SNX29: variants seen among roughly 807,000 people sequenced by gnomAD.
SNX29 encodes sorting nexin-29.
SNX29 carries 78 observed loss-of-function variants against 102.1 expected under a neutral mutation model. The ratio of observed to expected loss-of-function variants is 0.76; its 90% CI spans 0.64 to 0.92. The LOEUF (loss-of-function observed/expected upper bound fraction) is 0.92. SNX29 is among the 40% of genes least tolerant of loss of function. The probability of loss-of-function intolerance (pLI) is 0.00; values close to 1 mark genes in which losing one functional copy is unlikely to be tolerated. For synonymous variants in SNX29, 580 were observed against 414.5 expected, an observed-to-expected ratio of 1.40 and a Z score of -4.85; for missense variants, 1,280 against 1,061.7, an observed-to-expected ratio of 1.21 and a Z score of -2.86.
At chr16:12,526,089 A>G (rs886815724) in intron 20 of SNX29, among the ~76,000 whole-genome samples, 1 of 152,220 alleles carries the variant, frequency 6.6e-6, no homozygotes, top group Non-Finnish European at 1.5e-5. Context: ...AAACGTAAAA[A>G]TCCATAGAGA....
chr16:12,375,769 A>G (rs2082848967), intron 16 of SNX29: 1 of 152,256 alleles, frequency 6.6e-6, no homozygotes, highest in Non-Finnish European at 1.5e-5. Context: ...GCAGTGGCTC[A>G]CGCCTGTAAT....
intron 19 of SNX29, among the ~76,000 whole-genome samples, chr16:12,493,506 T>A (rs982025299): frequency 2.0e-4 from 31 of 152,340 alleles, no homozygotes; most frequent in Middle Eastern, 6.8e-3. Flanking sequence ...CTTCTTCTTT[T>A]CCTAATTGAA....
intron 18 of SNX29, among the ~76,000 whole-genome samples, chr16:12,428,454 T>G (rs888578131): frequency 1.7e-4 from 26 of 152,086 alleles, no homozygotes; most frequent in African/African-American, 5.6e-4. Flanking sequence ...ACATCTTCTT[T>G]ATAGAAAATT....
rs150444031 is a variant in SNX29 at position 12,015,229 on chromosome 16, A to G, written c.123-12091A>G. ...GTACTCCTGCACTGAAACATTTCCA[A>G]GTTATAGTTCTTTTTTTTTAATTTT... On this transcript the variant is annotated intron_variant, in intron 3 of 20. Coordinates refer to ENST00000566228, the MANE Select transcript of SNX29 (RefSeq NM_032167.5). Among the ~76,000 whole-genome samples the G allele has an allele frequency of 3.8e-3, 584 of 151,986 alleles. 1 individual carries two copies. The highest frequency in any genetic ancestry group is 6.1e-3 in the Non-Finnish European group (414 of 67,966).
intron 14 of SNX29, among the ~76,000 whole-genome samples, chr16:12,242,352 A>AATATATATAT (rs1272895007): frequency 2.0e-4 from 28 of 137,988 alleles, no homozygotes; most frequent in African/African-American, 7.6e-4. Context: ...TATATATAAT[A>AATATATATAT]ATATATATAT....
At chr16:12,033,760 C>T (rs1280335542) in intron 4 of SNX29, among the ~76,000 whole-genome samples, 2 of 152,072 alleles carry the variant, frequency 1.3e-5, no homozygotes, top group East Asian at 1.9e-4. Flanking sequence ...GTGCACATCA[C>T]CATGCCTGGT....
chr16:12,433,929 G>A (rs2085421457), intron 18 of SNX29, among the ~76,000 whole-genome samples: 1 of 152,168 alleles, frequency 6.6e-6, no homozygotes, highest in Admixed American at 6.5e-5. Context: ...TTATGCCAGT[G>A]CTTAAGGGTC....
intron 13 of SNX29, among the ~76,000 whole-genome samples, chr16:12,135,060 C>T (rs922770817): frequency 6.6e-6 from 1 of 152,150 alleles, no homozygotes; most frequent in Admixed American, 6.5e-5. Flanking sequence ...AGGGGAAGAG[C>T]CATGTCCCAG....
chr16:12,417,608 C>G (rs139122797), intron 18 of SNX29, among the ~76,000 whole-genome samples: 207 of 152,084 alleles, frequency 1.4e-3, no homozygotes, highest in Non-Finnish European at 1.7e-3. Flanking sequence ...TATTCCTCAT[C>G]ATTCCTTTTC....
At position 12,170,870 on chromosome 16, in the gene SNX29, G is replaced by T. The variant is rs1012261695; in HGVS notation, c.1596-28731G>T. Among the ~76,000 whole-genome samples, 182 of 151,944 alleles carry T rather than the reference G, an allele frequency of 1.2e-3. 2 individuals are homozygous for T. Among genetic ancestry groups the T allele is most frequent in the Admixed American group, 0.012 (179 of 15,280 alleles). On this transcript the variant is annotated intron_variant, in intron 13 of 20. Transcript: ENST00000566228. ...ATGAGGAGTGTCTGTGCGCGCGCGC[G>T]TGCTGTTTACAGGGCCTCCGAGACA...
At chr16:12,493,839 G>T (rs151043597) in intron 19 of SNX29, among the ~76,000 whole-genome samples, 27 of 152,124 alleles carry the variant, frequency 1.8e-4, no homozygotes, top group Admixed American at 4.6e-4. Flanking sequence ...TGATCCACCC[G>T]CCTCGGCCTC....
At chr16:12,450,472 C>G (rs1239835109) in intron 18 of SNX29, among the ~76,000 whole-genome samples, 1 of 152,208 alleles carries the variant, frequency 6.6e-6, no homozygotes, top group African/African-American at 2.4e-5. Flanking sequence ...ATTGGAAAAG[C>G]TGCACCCAAT....
At chr16:12,382,471 C>A (rs1235001842) in intron 16 of SNX29, among the ~76,000 whole-genome samples, 1 of 152,164 alleles carries the variant, frequency 6.6e-6, no homozygotes, top group African/African-American at 2.4e-5. Flanking sequence ...GAGTCTATTT[C>A]CCCATCAGTA....
intron 15 of SNX29, among the ~76,000 whole-genome samples, chr16:12,278,389 T>C (rs1256724627): frequency 6.6e-6 from 1 of 152,128 alleles, no homozygotes; most frequent in South Asian, 2.1e-4. Flanking sequence ...TGAGGTGAAC[T>C]ATTTTTCAGA....
intron 11 of SNX29, chr16:12,087,897 A>C (rs555925829): frequency 1.2e-4 from 54 of 456,780 alleles, no homozygotes; most frequent in South Asian, 7.9e-4. Flanking sequence ...TGGCAACCTG[A>C]TTCCTGCTGG....
At chr16:12,375,696 C>G (rs1211485681) in intron 16 of SNX29, 1 of 152,186 alleles carries the variant, frequency 6.6e-6, no homozygotes, top group Non-Finnish European at 1.5e-5. Flanking sequence ...AAGAGAGAGA[C>G]CAACTAAATG....
rs528567575 is a variant in SNX29, at chr16:12,085,068, C to T, written c.1402+6153C>T. Among the ~76,000 whole-genome samples the T allele has an allele frequency of 2.1e-3, 312 of 151,096 alleles. 1 individual carries two copies. Among genetic ancestry groups the T allele is most frequent in the Non-Finnish European group, 3.3e-3 (227 of 67,804 alleles). On this transcript the variant is annotated intron_variant, in intron 11 of 20. Transcript: ENST00000566228. ...CTGGGTGACAGGGCTAGACCCGTCTCAAAAAGAAAAAGAAAAAAAAAAGAA... is the reference window on the plus strand; with the variant it reads ...CTGGGTGACAGGGCTAGACCCGTCTTAAAAAGAAAAAGAAAAAAAAAAGAA...
At chr16:12,044,712 G>A (rs907346878) in intron 5 of SNX29, among the ~76,000 whole-genome samples, 43 of 152,134 alleles carry the variant, frequency 2.8e-4, no homozygotes, top group African/African-American at 9.9e-4. Flanking sequence ...CCGAGTAGCT[G>A]GGTCTGCCAG....
At chr16:12,171,917 G>A (rs2076158172) in intron 13 of SNX29, among the ~76,000 whole-genome samples, 1 of 152,096 alleles carries the variant, frequency 6.6e-6, no homozygotes, top group Admixed American at 6.5e-5. Context: ...GACCTCTCTG[G>A]GCCCCAGTGT....
Sources: allele counts gnomAD v4.1 joint callset (sites outside exome capture counted in the v4.1 genomes callset), GRCh38; gene constraint gnomAD v4.1.1; transcripts MANE v1.5; gene names NCBI Gene and HGNC (gene_info 2026-07-23, HGNC 2026-07-21).